Variants in NCEH1 observed in about 807,000 individuals in gnomAD.
NCEH1 encodes neutral cholesterol ester hydrolase 1.
NCEH1 carries 9 observed loss-of-function variants against 25.4 expected under a neutral mutation model. That is an observed-to-expected ratio of 0.35 (90% CI 0.21 to 0.62). The LOEUF (loss-of-function observed/expected upper bound fraction) is 0.62, where lower values mean the gene tolerates loss of function less well. NCEH1 is among the 20% of genes least tolerant of loss of function. The pLI is 0.72. For missense variants in NCEH1, 412 were observed against 501.1 expected, an observed-to-expected ratio of 0.82 and a Z score of 1.70; for synonymous variants, 200 against 199.8, an observed-to-expected ratio of 1.00 and a Z score of -0.01.
At position 172,635,920 on chromosome 3, in the gene NCEH1, T is replaced by A; in HGVS notation, c.605A>T (p.Gln202Leu). The stretch of plus-strand genomic sequence containing the variant: ...ACCTTAGGACAGTGGTGTTACCTGT[T>A]GTCCAAGGGCAGCAGCCAGATTTCC... Reference protein sequence around the residue: ...AGGNLAAALGQQFTQDASLKN... With the variant: ...AGGNLAAALGLQFTQDASLKN... The change falls in exon 4 of 5, where the codon CAA (glutamine) becomes CTA (leucine). Residue 202 changes from glutamine to leucine, a missense_variant. This residue lies in a region of NCEH1 where 210 missense variants were observed against 258.2 expected (regional missense o/e 0.81). Transcript: ENST00000475381. 6.2e-7 allele frequency: 1 copy of A among 1,614,132 alleles called. No homozygotes were observed. Among genetic ancestry groups the A allele is most frequent in the Non-Finnish European group, 8.5e-7 (1 of 1,179,976 alleles).
intron 1 of NCEH1, among the ~76,000 whole-genome samples, chr3:172,705,144 G>A (rs888793749): frequency 6.6e-6 from 1 of 152,212 alleles, no homozygotes; most frequent in Non-Finnish European, 1.5e-5. Flanking sequence ...TCCCTGGGGG[G>A]AAAAGTTACT....
At chr3:172,649,277 T>C (rs765824838) in intron 1 of NCEH1, among the ~76,000 whole-genome samples, 1 of 152,162 alleles carries the variant, frequency 6.6e-6, no homozygotes, top group Non-Finnish European at 1.5e-5. Context: ...TGTCCTGTCC[T>C]GTCATGAAAA....
intron 1 of NCEH1, among the ~76,000 whole-genome samples, chr3:172,684,503 G>A (rs1409676864): frequency 3.9e-5 from 6 of 152,022 alleles, no homozygotes; most frequent in Admixed American, 1.3e-4. Context: ...ACATAAACCT[G>A]GATGAAACAA....
rs769108439 is a variant in NCEH1, at chr3:172,645,679, A to G, written c.381T>C (p.Tyr127=). ...WALASAKIRY[Y]DELCTAMAEE... ...CAGCCATTGCTGTACACAGCTCATC[A>G]TAATACCTGATTTCTAAAAGACACA... is the stretch of plus-strand genomic sequence containing the variant. The change falls in exon 3 of 5, where the codon TAT becomes TAC. Residue 127 remains tyrosine, a synonymous_variant. Coordinates refer to ENST00000475381, the MANE Select transcript of NCEH1 (RefSeq NM_020792.6). 16 of 1,590,360 alleles carry G rather than the reference A, an allele frequency of 1.0e-5. No individual in the cohort carries two copies. The Admixed American group carries it at 2.8e-4, about 28-fold the overall frequency.
chr3:172,665,589 G>C (rs190090341), intron 1 of NCEH1, among the ~76,000 whole-genome samples: 1 of 152,356 alleles, frequency 6.6e-6, no homozygotes, highest in Non-Finnish European at 1.5e-5. Context: ...GCCCCCAGAG[G>C]TGGAGTCTAC....
chr3:172,669,883 A>G (rs957040581), intron 1 of NCEH1, among the ~76,000 whole-genome samples: 2 of 152,232 alleles, frequency 1.3e-5, no homozygotes, highest in African/African-American at 4.8e-5. Flanking sequence ...TGGTTTCTAA[A>G]TAATATCATC....
chr3:172,677,349 T>A (rs113024454), intron 1 of NCEH1, among the ~76,000 whole-genome samples: 1 of 152,246 alleles, frequency 6.6e-6, no homozygotes, highest in African/African-American at 2.4e-5. Context: ...CATCTACTGA[T>A]ATCTGAAGAG....
At chr3:172,705,705 C>T (rs944385152) in intron 1 of NCEH1, among the ~76,000 whole-genome samples, 1 of 151,998 alleles carries the variant, frequency 6.6e-6, no homozygotes, top group African/African-American at 2.4e-5. Context: ...CCTAATAAAA[C>T]CCTATTTTTG....
rs142230771 is a variant in NCEH1 at position 172,631,717 on chromosome 3, T to C, written c.*1758A>G. 1.2e-3 allele frequency: 182 copies of C among 152,712 alleles called. 2 individuals are homozygous for C. Among genetic ancestry groups the C allele is most frequent in the African/African-American group, 4.2e-3 (175 of 41,578 alleles). 9.5% of individuals were successfully genotyped at this position (152,712 alleles called of 1,614,324 possible). ...CATAAAATGCTACTGGCTCATACAA[T>C]ACATCAATAAGTATGCAACTTTTCA... On this transcript the variant is annotated 3_prime_UTR_variant, in exon 5 of 5. Coordinates refer to ENST00000475381, the MANE Select transcript of NCEH1 (RefSeq NM_020792.6).
intron 1 of NCEH1, among the ~76,000 whole-genome samples, chr3:172,661,173 G>A (rs1468561444): frequency 6.6e-6 from 1 of 152,192 alleles, no homozygotes; most frequent in Admixed American, 6.5e-5. Flanking sequence ...AAGGGATCCA[G>A]TTTCAGCTTT....
chr3:172,683,682 A>T (rs1240735064), intron 1 of NCEH1, among the ~76,000 whole-genome samples: 1 of 152,208 alleles, frequency 6.6e-6, no homozygotes, highest in Non-Finnish European at 1.5e-5. Flanking sequence ...TGTCTCAAAA[A>T]ACAAAATAAA....
intron 1 of NCEH1, among the ~76,000 whole-genome samples, chr3:172,679,510 C>T (rs1445437443): frequency 2.6e-5 from 4 of 152,072 alleles, no homozygotes; most frequent in East Asian, 3.9e-4. Context: ...GCACACCCAT[C>T]GTTTAGCTCC....
chr3:172,671,760 GCA>G (rs1241232415), intron 1 of NCEH1, among the ~76,000 whole-genome samples: 1 of 151,990 alleles, frequency 6.6e-6, no homozygotes, highest in African/African-American at 2.4e-5. Flanking sequence ...ATGCACACAG[GCA>G]CACACATACT....
At position 172,633,834 on chromosome 3, in the gene NCEH1, A is replaced by T; in HGVS notation, c.868T>A (p.Ser290Thr). 4 of 1,614,202 alleles carry T rather than the reference A, an allele frequency of 2.5e-6. No homozygotes were observed. Among genetic ancestry groups the T allele is most frequent in the Non-Finnish European group, 3.4e-6 (4 of 1,180,034 alleles). The change falls in exon 5 of 5, where the codon TCC becomes ACC. Residue 290 changes from serine to threonine, a missense_variant. Ser to Thr is a moderately conservative substitution (Grantham distance 58). Around this residue, in one of 3 missense-constraint regions of NCEH1, gnomAD observed 210 missense variants for 258.2 expected, o/e 0.81. Coordinates refer to ENST00000475381, the MANE Select transcript of NCEH1 (RefSeq NM_020792.6). ...TTTGTGAAGGATGCAGGCAAGAGGGATGTCCAGTTTAGACGGGCCCTGACA... is the reference window on the plus strand; with the variant it reads ...TTTGTGAAGGATGCAGGCAAGAGGGTTGTCCAGTTTAGACGGGCCCTGACA... ...AAVRARLNWT[S>T]LLPASFTKNY...
rs1278927041 is a variant in NCEH1 at position 172,636,087 on chromosome 3, T to C, written c.438A>G (p.Glu146=). 6.2e-7 allele frequency: 1 copy of C among 1,610,612 alleles called. No homozygotes were observed. Among genetic ancestry groups the C allele is most frequent in the Non-Finnish European group, 8.5e-7 (1 of 1,177,786 alleles). The part of the protein sequence containing the change: ...EELNAVIVSI[E]YRLVPKVYFP... ...AATAAACCTTTGGAACTAGCCTGTA[T>C]CTGTAAAAACAAAAGTTGTATTCAT... Residue 146 remains glutamate (E), a splice_region_variant and synonymous_variant, in exon 4 of 5, where the codon GAA becomes GAG. Coordinates refer to ENST00000475381, the MANE Select transcript of NCEH1 (RefSeq NM_020792.6).
At chr3:172,655,029 T>A (rs1407328214) in intron 1 of NCEH1, among the ~76,000 whole-genome samples, 1 of 152,222 alleles carries the variant, frequency 6.6e-6, no homozygotes, top group Admixed American at 6.5e-5. Context: ...ACAGAGGCTG[T>A]CCAAAGAGAC....
chr3:172,690,224 T>C (rs890390805), intron 1 of NCEH1, among the ~76,000 whole-genome samples: 1 of 152,148 alleles, frequency 6.6e-6, no homozygotes, highest in African/African-American at 2.4e-5. Context: ...TAAATGAACA[T>C]TTCTTTAAGA....
At chr3:172,704,827 TG>T (rs1449396918) in intron 1 of NCEH1, among the ~76,000 whole-genome samples, 3 of 152,176 alleles carry the variant, frequency 2.0e-5, no homozygotes, top group African/African-American at 7.2e-5. Context: ...TATGAGACTT[TG>T]TAACTACACC....
At chr3:172,641,516 G>A (rs1235300764) in intron 3 of NCEH1, among the ~76,000 whole-genome samples, 1 of 152,120 alleles carries the variant, frequency 6.6e-6, no homozygotes, top group Non-Finnish European at 1.5e-5. Flanking sequence ...CTTCCCCAGT[G>A]CCATAATCCA....
Sources: allele counts gnomAD v4.1 joint callset (sites outside exome capture counted in the v4.1 genomes callset), GRCh38; gene constraint gnomAD v4.1.1; regional missense constraint gnomAD v4.1.1; transcripts MANE v1.5; gene names NCBI Gene and HGNC (gene_info 2026-07-23, HGNC 2026-07-21).